The following BICRAL variants were observed in gnomAD, a reference collection of about 807,000 sequenced individuals.
The protein encoded by BICRAL is BRD4-interacting chromatin-remodeling complex-associated protein-like.
A neutral mutation model predicts 91.8 loss-of-function variants in BICRAL; 8 were observed. That is an observed-to-expected ratio of 0.09 (90% CI 0.05 to 0.16). The LOEUF (loss-of-function observed/expected upper bound fraction) is 0.16, where lower values mean the gene tolerates loss of function less well. Among genes scored for constraint, BICRAL ranks in the 10% least tolerant of loss-of-function variants. The pLI is 1.00. For missense variants in BICRAL, 1,038 were observed against 1,310.9 expected (o/e 0.79, Z 3.21); for synonymous variants, 445 against 491.1 (o/e 0.91, Z 1.24).
At chr6:42,831,394 T>G (rs1459501403) in intron 6 of BICRAL, among the ~76,000 whole-genome samples, 1 of 152,192 alleles carries the variant, frequency 6.6e-6, no homozygotes, top group Non-Finnish European at 1.5e-5. Flanking sequence ...CGAGGCACTC[T>G]CATTTGACCA....
At chr6:42,749,873 GAGAT>G (rs1762349962) in intron 1 of BICRAL, among the ~76,000 whole-genome samples, 1 of 110,052 alleles carries the variant, frequency 9.1e-6, no homozygotes, top group Non-Finnish European at 1.9e-5. Flanking sequence ...TTTTTTTTTT[GAGAT>G]AGAGTCTCGC....
At chr6:42,847,848 T>C (rs9462838) in intron 6 of BICRAL, among the ~76,000 whole-genome samples, 74,189 of 147,826 alleles carry the variant, frequency 0.5, 20,167 homozygotes, top group African/African-American at 0.75. Context: ...CTTGAATCTT[T>C]TCTGGGCGCG....
chr6:42,763,480 G>C (rs1353068727), intron 1 of BICRAL, among the ~76,000 whole-genome samples: 1 of 152,164 alleles, frequency 6.6e-6, no homozygotes, highest in Non-Finnish European at 1.5e-5. Context: ...CTTTAGGTAG[G>C]ATTTTATTGT....
intron 1 of BICRAL, among the ~76,000 whole-genome samples, chr6:42,784,492 T>C (rs1582814911): frequency 6.6e-6 from 1 of 152,208 alleles, no homozygotes; most frequent in East Asian, 1.9e-4. Context: ...TTTAGACCAT[T>C]TAATGAGACC....
intron 1 of BICRAL, among the ~76,000 whole-genome samples, chr6:42,785,159 CG>C (rs899576393): frequency 5.3e-5 from 8 of 151,950 alleles, no homozygotes; most frequent in African/African-American, 9.7e-5. Context: ...AATCTCAGTA[CG>C]TTTTTTTTTA....
At chr6:42,812,241 T>C (rs1027205363) in intron 2 of BICRAL, among the ~76,000 whole-genome samples, 27 of 152,120 alleles carry the variant, frequency 1.8e-4, no homozygotes, top group Non-Finnish European at 3.5e-4. Flanking sequence ...GGCGGATTGC[T>C]TGAGGCCAGG....
chr6:42,767,289 TTA>T (rs1762650717), intron 1 of BICRAL, among the ~76,000 whole-genome samples: 2 of 152,302 alleles, frequency 1.3e-5, no homozygotes, highest in South Asian at 2.1e-4. Flanking sequence ...TGTTTTCTAT[TTA>T]TGTCATTTAA....
At chr6:42,847,456 T>C (rs1433560501) in intron 6 of BICRAL, among the ~76,000 whole-genome samples, 1 of 152,146 alleles carries the variant, frequency 6.6e-6, no homozygotes, top group African/African-American at 2.4e-5. Flanking sequence ...CTTCTTTAGC[T>C]TATCGATATT....
chr6:42,802,563 C>T (rs933169900), intron 1 of BICRAL, among the ~76,000 whole-genome samples: 5 of 152,096 alleles, frequency 3.3e-5, no homozygotes, highest in Admixed American at 1.3e-4. Flanking sequence ...ATTCTCCTGC[C>T]TCAGCCTCCT....
chr6:42,751,654 C>CTTTT (rs1190737893), intron 1 of BICRAL, among the ~76,000 whole-genome samples: 12 of 116,574 alleles, frequency 1.0e-4, no homozygotes, highest in South Asian at 2.9e-4. Context: ...TCTTTCTTTT[C>CTTTT]TTTTTTTTTT....
upstream of BICRAL, among the ~76,000 whole-genome samples, chr6:42,780,667 T>G (rs1265848843): frequency 6.6e-6 from 1 of 152,226 alleles, no homozygotes; most frequent in Non-Finnish European, 1.5e-5. Flanking sequence ...GTATATTTTG[T>G]GGGCATTTGT....
At chr6:42,764,394 T>TA (rs143118997) in intron 1 of BICRAL, among the ~76,000 whole-genome samples, 28,149 of 137,876 alleles carry the variant, frequency 0.2, 2,919 homozygotes, top group Middle Eastern at 0.27. Context: ...TCCACAAAAA[T>TA]AAAAAAAATT....
chr6:42,865,517 GT>G lies in BICRAL; in HGVS notation c.*73del. The G allele has an allele frequency of 1.3e-6, 1 of 757,646 alleles. No homozygotes were observed. The highest frequency in any genetic ancestry group is 2.1e-6 in the Non-Finnish European group (1 of 477,756). 46.9% of individuals were successfully genotyped at this position (757,646 alleles called of 1,614,324 possible). A position where few individuals can be genotyped will look rare whatever the true frequency, so the allele number is the denominator to read the frequency against. ...ACCCCACCCCGGACCAGTTACATTC[GT>G]TCCTGGCAAAAGCAAATGGAAATGG... On this transcript the variant is annotated 3_prime_UTR_variant, in exon 13 of 13. Transcript: ENST00000314073.
chr6:42,752,951 G>C (rs1762403676), intron 1 of BICRAL, among the ~76,000 whole-genome samples: 1 of 140,224 alleles, frequency 7.1e-6, no homozygotes, highest in Non-Finnish European at 1.5e-5. Flanking sequence ...GGGGGGTACG[G>C]AGTTTTGCTC....
At chr6:42,840,091 G>C (rs1764740659) in intron 6 of BICRAL, among the ~76,000 whole-genome samples, 1 of 152,172 alleles carries the variant, frequency 6.6e-6, no homozygotes, top group Admixed American at 6.5e-5. Flanking sequence ...TTATTTATTA[G>C]AGATGGGGTC....
intron 1 of BICRAL, among the ~76,000 whole-genome samples, chr6:42,782,558 T>G (rs1309973276): frequency 1.3e-5 from 2 of 150,806 alleles, no homozygotes; most frequent in Non-Finnish European, 3.0e-5. Context: ...CGCCTTTCTT[T>G]TTCCTTTTTT....
At chr6:42,842,743 T>C (rs2113987895) in intron 6 of BICRAL, among the ~76,000 whole-genome samples, 1 of 152,318 alleles carries the variant, frequency 6.6e-6, no homozygotes, top group Non-Finnish European at 1.5e-5. Flanking sequence ...TTGTTAAATG[T>C]TTTCTACATT....
chr6:42,852,339 CA>C (rs1194119065), intron 7 of BICRAL, 142 bp downstream of exon 7: 1 of 712,370 alleles, frequency 1.4e-6, no homozygotes, highest in Admixed American at 2.0e-5. Flanking sequence ...ATCCTTTCCG[CA>C]AATAATATAC....
intron 6 of BICRAL, among the ~76,000 whole-genome samples, chr6:42,845,195 G>GGT (rs1562490931): frequency 0.016 from 419 of 25,618 alleles, 101 homozygotes; most frequent in Middle Eastern, 0.071. Context: ...TTTTTTGGGT[G>GGT]TTTTTTTTTT....
Sources: allele counts gnomAD v4.1 joint callset (sites outside exome capture counted in the v4.1 genomes callset), GRCh38; gene constraint gnomAD v4.1.1; transcripts MANE v1.5; gene names NCBI Gene and HGNC (gene_info 2026-07-23, HGNC 2026-07-21).